The following MED13L variants were observed in gnomAD, a reference collection of about 807,000 sequenced individuals.
The protein encoded by MED13L is mediator of RNA polymerase II transcription subunit 13-like.
Under a neutral mutation model 220.9 loss-of-function variants are expected in MED13L, and 7 were observed. That is an observed-to-expected ratio of 0.03 (90% CI 0.02 to 0.06). The LOEUF is 0.06. Ranked by LOEUF, MED13L falls within the 10% of genes least tolerant of loss-of-function variation. The pLI, the probability that MED13L is intolerant of heterozygous loss-of-function variation, is 1.00. For synonymous variants in MED13L, 1,011 were observed against 1,015.2 expected (o/e 1.00, Z 0.08); for missense variants, 1,965 against 2,760.5 (o/e 0.71, Z 6.46).
chr12:116,252,758 A>T (rs1048349274), intron 1 of MED13L, among the ~76,000 whole-genome samples: 2 of 152,132 alleles, frequency 1.3e-5, no homozygotes, highest in African/African-American at 2.4e-5. Context: ...ACAAATGCTC[A>T]TTAGACTAAT....
chr12:116,197,303 T>C (rs753035750), intron 2 of MED13L, among the ~76,000 whole-genome samples: 7 of 152,188 alleles, frequency 4.6e-5, no homozygotes, highest in Non-Finnish European at 1.0e-4. Context: ...ACGCTTTCTT[T>C]AGTTATCTGT....
At chr12:116,114,196 T>C (rs1462098755) in intron 2 of MED13L, among the ~76,000 whole-genome samples, 1 of 152,186 alleles carries the variant, frequency 6.6e-6, no homozygotes, top group Non-Finnish European at 1.5e-5. Flanking sequence ...CCTCATGATA[T>C]CATCATTTTA....
At chr12:116,250,561 C>T (rs1054713928) in intron 1 of MED13L, among the ~76,000 whole-genome samples, 6 of 147,050 alleles carry the variant, frequency 4.1e-5, no homozygotes, top group African/African-American at 1.0e-4. Flanking sequence ...GTCAGGAGTT[C>T]GAGACCAGCC....
Position 115,958,673 on chromosome 12 carries a change from TTTA to T in MED13L, c.*2590_*2592del, listed in dbSNP as rs1455658034. Reference sequence around the variant, plus strand: ...TGAATGACATTTAAAATGGAGGCCTTTTATTATTGTTTCTTTTTATCAAAGTCT... The same window carrying T: ...TGAATGACATTTAAAATGGAGGCCTTTTATTGTTTCTTTTTATCAAAGTCT... On this transcript the variant is annotated 3_prime_UTR_variant, in exon 31 of 31. Coordinates refer to ENST00000281928, the MANE Select transcript of MED13L (RefSeq NM_015335.5). The T allele has an allele frequency of 1.3e-5, 2 of 152,300 alleles. No individual in the cohort carries two copies. The highest frequency in any genetic ancestry group is 2.9e-5 in the Non-Finnish European group (2 of 68,032). 9.4% of individuals were successfully genotyped at this position (152,300 alleles called of 1,614,324 possible). A position where few individuals can be genotyped will look rare whatever the true frequency, so the allele number is the denominator to read the frequency against.
chr12:115,998,562 AC>A (rs1878551758), intron 14 of MED13L, among the ~76,000 whole-genome samples: 1 of 152,078 alleles, frequency 6.6e-6, no homozygotes, highest in African/African-American at 2.4e-5. Flanking sequence ...TAGATGGATG[AC>A]TCTCAATGGG....
chr12:116,250,641 G>A lies in MED13L; in HGVS notation c.73-12936C>T, dbSNP rs1446138795. The stretch of plus-strand genomic sequence containing the variant: ...AAAAAAAAAAAATTAGCCGGGAGTG[G>A]TGGCACGCTCCTGTAGTCCCAGCTA... On this transcript the variant is annotated intron_variant, in intron 1 of 30. Coordinates refer to ENST00000281928, the MANE Select transcript of MED13L (RefSeq NM_015335.5). 1.7e-4 allele frequency among the ~76,000 whole-genome samples: 25 copies of A among 150,488 alleles called. No individual in the cohort carries two copies. In the East Asian group the frequency reaches 4.7e-3, roughly 28 times the overall value.
At chr12:116,218,012 A>G (rs758135710) in intron 2 of MED13L, among the ~76,000 whole-genome samples, 1 of 152,338 alleles carries the variant, frequency 6.6e-6, no homozygotes, top group Middle Eastern at 3.4e-3. Flanking sequence ...TCTAGCACTC[A>G]ACACAAGCTC....
intron 4 of MED13L, among the ~76,000 whole-genome samples, chr12:116,076,538 C>A (rs1326498169): frequency 6.6e-6 from 1 of 152,028 alleles, no homozygotes; most frequent in East Asian, 1.9e-4. Flanking sequence ...CTTTGTCTTA[C>A]AAACAAAACA....
At chr12:115,999,397 A>T (rs1272165413) in intron 14 of MED13L, among the ~76,000 whole-genome samples, 1 of 152,130 alleles carries the variant, frequency 6.6e-6, no homozygotes, top group African/African-American at 2.4e-5. Context: ...TCTCAAAAAA[A>T]AAAAAAGTTC....
intron 1 of MED13L, among the ~76,000 whole-genome samples, chr12:116,262,003 T>C (rs887501296): frequency 6.6e-6 from 1 of 152,176 alleles, no homozygotes; most frequent in Non-Finnish European, 1.5e-5. Flanking sequence ...GATCATGCCA[T>C]TATCCTCTTT....
chr12:116,060,352 C>T (rs1467795878), intron 4 of MED13L, among the ~76,000 whole-genome samples: 1 of 151,794 alleles, frequency 6.6e-6, no homozygotes, highest in East Asian at 1.9e-4. Flanking sequence ...CTGAGGCAGG[C>T]AGATCACTTG....
intron 1 of MED13L, among the ~76,000 whole-genome samples, chr12:116,238,931 C>A (rs1347068815): frequency 1.3e-5 from 2 of 152,120 alleles, no homozygotes; most frequent in Non-Finnish European, 2.9e-5. Context: ...CCCGTCTCCA[C>A]TAAAAATACC....
chr12:116,012,334 G>A (rs1017778713), intron 9 of MED13L, among the ~76,000 whole-genome samples: 2 of 152,150 alleles, frequency 1.3e-5, no homozygotes, highest in African/African-American at 4.8e-5. Context: ...TATCATTACT[G>A]CAACAGTTTT....
chr12:116,072,450 GTTTTTGT>G (rs10664103), intron 4 of MED13L, among the ~76,000 whole-genome samples: 30 of 151,798 alleles, frequency 2.0e-4, no homozygotes, highest in Non-Finnish European at 3.7e-4. Context: ...TTACAATACA[GTTTTTGT>G]TTTTTGTTTT....
intron 2 of MED13L, among the ~76,000 whole-genome samples, chr12:116,160,153 T>C (rs1205792706): frequency 6.6e-6 from 1 of 152,236 alleles, no homozygotes; most frequent in East Asian, 1.9e-4. Flanking sequence ...ACTATCAACA[T>C]ATCGTCAGGT....
chr12:115,985,135 TAA>T (rs1877599601), intron 19 of MED13L, among the ~76,000 whole-genome samples: 1 of 152,208 alleles, frequency 6.6e-6, no homozygotes, highest in East Asian at 1.9e-4. Context: ...AAGAAAAATT[TAA>T]AAGAGTGTCT....
rs778820767 is a variant in MED13L at position 115,982,606 on chromosome 12, GGA to G, written c.4956-5_4956-4del. ...CTATTCTCTCCCTTTCTGTAACACT[GGA>G]GAGAGAGTCACTTGTGAGATGCACA... On this transcript the variant is annotated splice_region_variant and splice_polypyrimidine_tract_variant and intron_variant, in intron 21 of 30. Coordinates refer to ENST00000281928, the MANE Select transcript of MED13L (RefSeq NM_015335.5). 5.6e-6 allele frequency: 9 copies of G among 1,608,236 alleles called. No homozygotes were observed. Among genetic ancestry groups the G allele is most frequent in the Middle Eastern group, 1.6e-4 (1 of 6,070 alleles).
At chr12:116,072,246 T>G (rs569913555) in intron 4 of MED13L, among the ~76,000 whole-genome samples, 8 of 152,330 alleles carry the variant, frequency 5.3e-5, no homozygotes, top group African/African-American at 1.9e-4. Context: ...AATCTCAGAT[T>G]GTCATAAGCA....
chr12:116,102,578 T>C (rs1269877363), intron 3 of MED13L, among the ~76,000 whole-genome samples: 1 of 152,004 alleles, frequency 6.6e-6, no homozygotes, highest in Admixed American at 6.6e-5. Context: ...CAAATATATA[T>C]GCAAAGAAGT....
Sources: gnomAD v4.1 joint callset for allele counts (sites outside exome capture counted in the v4.1 genomes callset) on GRCh38, gnomAD v4.1.1 for gene constraint, MANE v1.5 for transcripts, NCBI Gene and HGNC (gene_info 2026-07-23, HGNC 2026-07-21) for gene names.